Variants in LCP2 observed in about 807,000 individuals in gnomAD.
LCP2 encodes lymphocyte cytosolic protein 2.
LCP2 carries 29 observed loss-of-function variants against 74.5 expected under a neutral mutation model. The ratio of observed to expected loss-of-function variants is 0.39; its 90% CI spans 0.29 to 0.53. LCP2 has a LOEUF of 0.53. LCP2 is among the 20% of genes least tolerant of loss of function. LCP2 has a pLI of 0.72. For synonymous variants in LCP2, 228 were observed against 229.5 expected, an observed-to-expected ratio of 0.99 and a Z score of 0.06; for missense variants, 604 against 634.6, an observed-to-expected ratio of 0.95 and a Z score of 0.52.
At chr5:170,278,261 A>G (rs1762039441) in intron 3 of LCP2, among the ~76,000 whole-genome samples, 1 of 140,476 alleles carries the variant, frequency 7.1e-6, no homozygotes, top group Non-Finnish European at 1.5e-5. Context: ...GCTAGTGGAG[A>G]GGAAACTTTA....
chr5:170,293,406 G>A, intron 1 of LCP2, 34 bp from the exon 2 acceptor site: 1 of 1,555,964 alleles, frequency 6.4e-7, no homozygotes, highest in Non-Finnish European at 8.7e-7. Context: ...TGTTAGTGAC[G>A]GGCAGTCTCT....
At chr5:170,257,022 A>C (rs990865762) in intron 16 of LCP2, among the ~76,000 whole-genome samples, 15 of 152,238 alleles carry the variant, frequency 9.9e-5, no homozygotes, top group African/African-American at 3.6e-4. Flanking sequence ...AGGGAAGTGC[A>C]TGTTAGGTGG....
intron 20 of LCP2, among the ~76,000 whole-genome samples, chr5:170,249,148 C>A (rs1761367617): frequency 6.6e-6 from 1 of 151,870 alleles, no homozygotes; most frequent in South Asian, 2.1e-4. Context: ...ATGGTGAAAC[C>A]CTGTCTCTAC....
At chr5:170,252,638 T>G (rs556523590) in intron 18 of LCP2, 127 bp from the exon 19 acceptor site, 4 of 596,184 alleles carry the variant, frequency 6.7e-6, no homozygotes, top group South Asian at 2.0e-5. Context: ...AACATTTGTT[T>G]TCTTAATTTG....
intron 20 of LCP2, 68 bp from the exon 21 acceptor site, chr5:170,248,887 T>A (rs1457230391): frequency 2.8e-5 from 42 of 1,509,646 alleles, no homozygotes; most frequent in Non-Finnish European, 3.7e-5. Flanking sequence ...CTTTCAGTTT[T>A]TTTATCTGCA....
intron 2 of LCP2, among the ~76,000 whole-genome samples, chr5:170,289,639 TTC>T (rs1393490841): frequency 1.5e-4 from 16 of 106,684 alleles, no homozygotes; most frequent in African/African-American, 5.8e-4. Context: ...CTTTCTTTCT[TTC>T]TTTCTTTCTT....
chr5:170,269,149 G>A (rs1372567398), intron 7 of LCP2, among the ~76,000 whole-genome samples: 7 of 152,206 alleles, frequency 4.6e-5, no homozygotes, highest in Admixed American at 3.3e-4. Flanking sequence ...CCAGACCACA[G>A]ACTCTTAAGT....
At chr5:170,276,821 A>G (rs1305613959) in intron 3 of LCP2, among the ~76,000 whole-genome samples, 1 of 152,112 alleles carries the variant, frequency 6.6e-6, no homozygotes, top group African/African-American at 2.4e-5. Flanking sequence ...TTATCAGTCC[A>G]ATTTCATTTT....
At chr5:170,275,611 C>A in intron 4 of LCP2, 184 bp downstream of exon 4, 1 of 652,614 alleles carries the variant, frequency 1.5e-6, no homozygotes, top group Non-Finnish European at 2.7e-6. Flanking sequence ...GTCCCAGACC[C>A]AGGGACAGGA....
chr5:170,281,557 G>A (rs1269259693), intron 3 of LCP2, among the ~76,000 whole-genome samples: 1 of 152,224 alleles, frequency 6.6e-6, no homozygotes, highest in Non-Finnish European at 1.5e-5. Flanking sequence ...TGGGATTACA[G>A]GCATTTGAGT....
rs1437879354 is a variant in LCP2 at position 170,250,720 on chromosome 5, A to T, written c.1479+10T>A. ...GACTTTGGGAAAATGTCGAAATTTGAAATCCTTACCTCTTTCCCTCGGAGT... is the reference window on the plus strand; with the variant it reads ...GACTTTGGGAAAATGTCGAAATTTGTAATCCTTACCTCTTTCCCTCGGAGT... On this transcript the variant is annotated intron_variant, in intron 20 of 20. Coordinates refer to ENST00000046794, the MANE Select transcript of LCP2 (RefSeq NM_005565.5). The T allele has an allele frequency of 1.2e-6, 2 of 1,610,968 alleles. No individual in the cohort carries two copies. Among genetic ancestry groups the T allele is most frequent in the Admixed American group, 1.7e-5 (1 of 60,008 alleles).
At chr5:170,285,756 T>G (rs566141394) in intron 3 of LCP2, among the ~76,000 whole-genome samples, 163 of 152,198 alleles carry the variant, frequency 1.1e-3, no homozygotes, top group African/African-American at 3.8e-3. Context: ...CTACAGGTAG[T>G]CTCTCCTTTC....
chr5:170,276,005 C>T, intron 3 of LCP2, 145 bp from the exon 4 acceptor site: 1 of 658,616 alleles, frequency 1.5e-6, no homozygotes, highest in South Asian at 1.8e-5. Flanking sequence ...TCTGCAGGGA[C>T]CCTCTGCTCT....
chr5:170,251,410 C>T (rs940052431), intron 19 of LCP2: 1 of 214,266 alleles, frequency 4.7e-6, no homozygotes, highest in African/African-American at 2.3e-5. Context: ...CAGATGTTCT[C>T]TTTTCTTTTC....
At chr5:170,259,987 T>C (rs1394321821) in intron 14 of LCP2, among the ~76,000 whole-genome samples, 1 of 152,214 alleles carries the variant, frequency 6.6e-6, no homozygotes, top group East Asian at 1.9e-4. Flanking sequence ...TACCTCTGCC[T>C]TGTTCCTATC....
chr5:170,264,409 T>C (rs1472588563), intron 10 of LCP2, among the ~76,000 whole-genome samples: 1 of 152,270 alleles, frequency 6.6e-6, no homozygotes, highest in Non-Finnish European at 1.5e-5. Context: ...TAGTGCCCTA[T>C]GGCGAATGGT....
At chr5:170,260,940 C>T in intron 14 of LCP2, 167 bp downstream of exon 14, 1 of 615,014 alleles carries the variant, frequency 1.6e-6, no homozygotes, top group African/African-American at 1.8e-5. Context: ...CAGACAATGA[C>T]CAAGGCCCAA....
At chr5:170,249,046 G>A (rs1230446956) in intron 20 of LCP2, among the ~76,000 whole-genome samples, 1 of 152,170 alleles carries the variant, frequency 6.6e-6, no homozygotes, top group Non-Finnish European at 1.5e-5. Context: ...TATGGGCCGG[G>A]TGCAGTAATT....
At chr5:170,268,197 A>G (rs1053889332) in intron 8 of LCP2, among the ~76,000 whole-genome samples, 188 bp downstream of exon 8, 2 of 152,050 alleles carry the variant, frequency 1.3e-5, no homozygotes, top group African/African-American at 4.8e-5. Flanking sequence ...AACCACCAGT[A>G]TTTTACCCCA....
Sources: gnomAD v4.1 joint callset for allele counts (sites outside exome capture counted in the v4.1 genomes callset) on GRCh38, gnomAD v4.1.1 for gene constraint, MANE v1.5 for transcripts, NCBI Gene and HGNC (gene_info 2026-07-23, HGNC 2026-07-21) for gene names.